The following JPH1 variants were observed in gnomAD, a reference collection of about 807,000 sequenced individuals.
JPH1 encodes junctophilin 1.
In JPH1, 12 loss-of-function variants were observed where a neutral mutation model predicts 53.6. That is an observed-to-expected ratio of 0.22 (90% CI 0.14 to 0.36). The LOEUF is 0.36. JPH1 is among the 10% of genes least tolerant of loss of function. The pLI, the probability that JPH1 is intolerant of heterozygous loss-of-function variation, is 1.00. For missense variants in JPH1, 808 were observed against 905.5 expected, an observed-to-expected ratio of 0.89 and a Z score of 1.38; for synonymous variants, 375 against 363.8, an observed-to-expected ratio of 1.03 and a Z score of -0.35.
chr8:74,238,091 G>C (rs541173075), intron 4 of JPH1, among the ~76,000 whole-genome samples: 80 of 152,256 alleles, frequency 5.3e-4, no homozygotes, highest in South Asian at 4.8e-3. Context: ...TTATTACAAA[G>C]ACATGATTGT....
chr8:74,309,362 C>G (rs1464957551), intron 2 of JPH1, among the ~76,000 whole-genome samples: 1 of 152,204 alleles, frequency 6.6e-6, no homozygotes, highest in Non-Finnish European at 1.5e-5. Context: ...AAAGTCAATA[C>G]AAGCAAAGGC....
chr8:74,242,683 A>G (rs1336216563), intron 4 of JPH1, among the ~76,000 whole-genome samples: 1 of 152,198 alleles, frequency 6.6e-6, no homozygotes, highest in East Asian at 1.9e-4. Context: ...AATTATTAGA[A>G]TCTTCGCGTG....
intron 2 of JPH1, among the ~76,000 whole-genome samples, chr8:74,281,237 G>T (rs758887661): frequency 1.3e-5 from 2 of 152,194 alleles, no homozygotes; most frequent in Non-Finnish European, 2.9e-5. Flanking sequence ...TATCAATTCT[G>T]CAAGCTACAG....
intron 2 of JPH1, among the ~76,000 whole-genome samples, chr8:74,285,084 A>G (rs529611096): frequency 3.9e-5 from 6 of 152,078 alleles, no homozygotes; most frequent in African/African-American, 1.4e-4. Flanking sequence ...CAGCCTCCCA[A>G]AGTGTTGGGA....
In JPH1 at chr8:74,235,168, G is replaced by A. The variant is rs1806960360; in HGVS notation, c.*1883C>T. 1 of 152,456 alleles carries A rather than the reference G, an allele frequency of 6.6e-6. No homozygotes were observed. Among genetic ancestry groups the A allele is most frequent in the Admixed American group, 6.5e-5 (1 of 15,274 alleles). 9.4% of individuals were successfully genotyped at this position (152,456 alleles called of 1,614,324 possible). On this transcript the variant is annotated 3_prime_UTR_variant, in exon 6 of 6. Transcript: ENST00000342232. ...AAAACCAGCTTTCCCAGCGTAAGGA[G>A]CTATAGGGTTTGGGAGGGGCAGTGA... is the stretch of plus-strand genomic sequence containing the variant.
At chr8:74,264,816 A>G (rs1469950663) in intron 2 of JPH1, among the ~76,000 whole-genome samples, 1 of 152,170 alleles carries the variant, frequency 6.6e-6, no homozygotes, top group Non-Finnish European at 1.5e-5. Context: ...AAGGCTATCC[A>G]TTATGGGGAA....
chr8:74,243,687 G>C (rs1805763261), intron 4 of JPH1, among the ~76,000 whole-genome samples: 1 of 152,072 alleles, frequency 6.6e-6, no homozygotes, highest in African/African-American at 2.4e-5. Context: ...CAGGTCAAGA[G>C]GTCATTTTTT....
chr8:74,299,555 C>G (rs1807616891), intron 2 of JPH1, among the ~76,000 whole-genome samples: 1 of 152,158 alleles, frequency 6.6e-6, no homozygotes, highest in Non-Finnish European at 1.5e-5. Context: ...GTCTATAACC[C>G]TTCTTCAACT....
intron 2 of JPH1, among the ~76,000 whole-genome samples, chr8:74,267,776 A>G (rs1353656206): frequency 6.6e-6 from 1 of 152,220 alleles, no homozygotes; most frequent in African/African-American, 2.4e-5. Flanking sequence ...TTGTATTTTA[A>G]GAAAATGAGA....
At chr8:74,265,677 C>T (rs1806511899) in intron 2 of JPH1, among the ~76,000 whole-genome samples, 1 of 152,110 alleles carries the variant, frequency 6.6e-6, no homozygotes, top group South Asian at 2.1e-4. Flanking sequence ...AAAACGTAAT[C>T]ACTGCAACCC....
At chr8:74,295,293 A>G (rs1563415129) in intron 2 of JPH1, among the ~76,000 whole-genome samples, 1 of 151,952 alleles carries the variant, frequency 6.6e-6, no homozygotes, top group East Asian at 1.9e-4. Flanking sequence ...ATGTGACTAT[A>G]TGTGTGTGTG....
intron 2 of JPH1, among the ~76,000 whole-genome samples, chr8:74,263,306 G>A (rs150455077): frequency 1.5e-3 from 235 of 152,260 alleles, no homozygotes; most frequent in African/African-American, 5.1e-3. Context: ...TGATTTTGAT[G>A]TTTTTAAAAA....
At chr8:74,250,378 C>T (rs1025827337) in intron 3 of JPH1, among the ~76,000 whole-genome samples, 12 of 152,270 alleles carry the variant, frequency 7.9e-5, no homozygotes, top group African/African-American at 2.6e-4. Flanking sequence ...CATGATCTGC[C>T]CGCTTTGGCC....
chr8:74,284,476 C>T (rs1002840435), intron 2 of JPH1, among the ~76,000 whole-genome samples: 3 of 151,742 alleles, frequency 2.0e-5, no homozygotes, highest in South Asian at 4.2e-4. Flanking sequence ...GCTGAAACAC[C>T]GGTGCACGGT....
In JPH1 at chr8:74,252,879, C is replaced by G. The variant is rs567568598; in HGVS notation, c.1258+6506G>C. On this transcript the variant is annotated intron_variant, in intron 3 of 5. Coordinates refer to ENST00000342232, the MANE Select transcript of JPH1 (RefSeq NM_020647.4). ...TATATGCACCCAATACAGGAGCACCCAGATTCATAAAGCAAGTCCTTAGTG... is the reference window on the plus strand; with the variant it reads ...TATATGCACCCAATACAGGAGCACCGAGATTCATAAAGCAAGTCCTTAGTG... 1.5e-3 allele frequency among the ~76,000 whole-genome samples: 230 copies of G among 152,158 alleles called. 2 individuals are homozygous for G. Among genetic ancestry groups the G allele is most frequent in the African/African-American group, 5.3e-3 (221 of 41,434 alleles).
chr8:74,240,976 T>TATC (rs1355729013), intron 4 of JPH1, among the ~76,000 whole-genome samples: 2 of 152,246 alleles, frequency 1.3e-5, no homozygotes, highest in Non-Finnish European at 2.9e-5. Flanking sequence ...TTAGCCCACA[T>TATC]ATCACTGTAC....
At position 74,292,430 on chromosome 8, in the gene JPH1, CA is replaced by C. The variant is rs1586762391; in HGVS notation, c.1139+22430del. ...TCTTCCATGAACTGCCACTAATACA[CA>C]CTGCGGAGGGGTCTGTGGTCACTGA... On this transcript the variant is annotated intron_variant, in intron 2 of 5. Transcript: ENST00000342232. Among the ~76,000 whole-genome samples, 3 of 152,330 alleles carry C rather than the reference CA, an allele frequency of 2.0e-5. No homozygotes were observed. In the East Asian group the frequency reaches 5.8e-4, roughly 29 times the overall value.
At chr8:74,288,604 A>G (rs73343336) in intron 2 of JPH1, among the ~76,000 whole-genome samples, 1,880 of 152,264 alleles carry the variant, frequency 0.012, 38 homozygotes, top group African/African-American at 0.043. Flanking sequence ...GAAGGAAAGG[A>G]TAGTTAAGGA....
intron 2 of JPH1, among the ~76,000 whole-genome samples, chr8:74,300,028 A>G (rs1250369249): frequency 1.3e-5 from 2 of 152,222 alleles, no homozygotes; most frequent in African/African-American, 4.8e-5. Context: ...GTGACTACTT[A>G]CTCTAGAATC....
Sources: allele counts gnomAD v4.1 joint callset (sites outside exome capture counted in the v4.1 genomes callset), GRCh38; gene constraint gnomAD v4.1.1; transcripts MANE v1.5; gene names NCBI Gene and HGNC (gene_info 2026-07-23, HGNC 2026-07-21).